The following EXD2 variants were observed in gnomAD, a reference collection of about 807,000 sequenced individuals.
The protein encoded by EXD2 is exonuclease 3'-5' domain containing 2.
EXD2 carries 40 observed loss-of-function variants against 62.5 expected under a neutral mutation model. The observed-to-expected ratio is 0.64, with a 90% CI of 0.50 to 0.83. The LOEUF (loss-of-function observed/expected upper bound fraction) is 0.83. Among genes scored for constraint, EXD2 ranks in the 40% least tolerant of loss-of-function variants. The pLI is 0.00. For missense variants in EXD2, 671 were observed against 761.8 expected (o/e 0.88, Z 1.40); for synonymous variants, 239 against 291.9 (o/e 0.82, Z 1.85).
intron 7 of EXD2, 90 bp downstream of exon 7, chr14:69,236,242 A>G: frequency 6.7e-7 from 1 of 1,494,376 alleles, no homozygotes; most frequent in Non-Finnish European, 9.3e-7. Context: ...AGGGAGGGAT[A>G]GAAGAAGGCA....
In EXD2 at chr14:69,228,879, T is replaced by C; in HGVS notation, c.397T>C (p.Cys133Arg). 3 of 1,614,232 alleles carry C rather than the reference T, an allele frequency of 1.9e-6. No homozygotes were observed. Among genetic ancestry groups the C allele is most frequent in the Non-Finnish European group, 2.5e-6 (3 of 1,180,042 alleles). ...LLQMASPSGL[C>R]VLVRLPKLIC... ...ACAAATGGCCTCCCCAAGTGGCCTGTGTGTCTTGGTTCGCCTGCCCAAGCT... is the reference window on the plus strand; with the variant it reads ...ACAAATGGCCTCCCCAAGTGGCCTGCGTGTCTTGGTTCGCCTGCCCAAGCT... The change falls in exon 4 of 10, where the codon TGT (cysteine) becomes CGT (arginine). Residue 133 changes from cysteine (C) to arginine (R), a missense_variant. Physicochemically the swap from Cys to Arg is radical, Grantham distance 180. Transcript: ENST00000685843.
chr14:69,232,015 G>C (rs2043602142), intron 5 of EXD2, among the ~76,000 whole-genome samples: 1 of 149,600 alleles, frequency 6.7e-6, no homozygotes, highest in African/African-American at 2.5e-5. Flanking sequence ...AGAAGTGTAA[G>C]TCCCACTGCC....
intron 3 of EXD2, among the ~76,000 whole-genome samples, chr14:69,216,683 G>A (rs575532204): frequency 9.9e-5 from 15 of 152,194 alleles, no homozygotes; most frequent in African/African-American, 3.4e-4. Context: ...AGATCAGTTT[G>A]TAGGGAACTG....
intron 4 of EXD2, among the ~76,000 whole-genome samples, chr14:69,229,320 C>T (rs2043485411): frequency 6.6e-6 from 1 of 152,150 alleles, no homozygotes; most frequent in Non-Finnish European, 1.5e-5. Flanking sequence ...AGCTGGTGGT[C>T]CCACTGGCTA....
At chr14:69,230,698 G>A in intron 5 of EXD2, 100 bp downstream of exon 5, 6 of 1,343,700 alleles carry the variant, frequency 4.5e-6, no homozygotes, top group Non-Finnish European at 5.0e-6. Context: ...AGTATTGGAT[G>A]GAGATGCCTT....
chr14:69,206,466 T>C (rs1348984942), intron 2 of EXD2, among the ~76,000 whole-genome samples: 33,043 of 104,646 alleles, frequency 0.32, 8,750 homozygotes, highest in East Asian at 0.92. Flanking sequence ...TTTTTTTTTT[T>C]TTTTTTTTTT....
At chr14:69,204,318 C>T (rs1041787617) in intron 2 of EXD2, among the ~76,000 whole-genome samples, 1 of 152,150 alleles carries the variant, frequency 6.6e-6, no homozygotes, top group African/African-American at 2.4e-5. Flanking sequence ...ACCTATAACC[C>T]GAGCACTTTG....
chr14:69,201,367 T>G (rs1466526961), intron 1 of EXD2, among the ~76,000 whole-genome samples: 1 of 151,932 alleles, frequency 6.6e-6, no homozygotes, highest in Non-Finnish European at 1.5e-5. Context: ...TTTTGAATTT[T>G]TATTAAAGAT....
intron 1 of EXD2, among the ~76,000 whole-genome samples, chr14:69,192,781 G>A (rs1010978923): frequency 1.3e-5 from 2 of 151,856 alleles, no homozygotes; most frequent in Non-Finnish European, 2.9e-5. Flanking sequence ...ACGGGTCTTG[G>A]AATTTTTTCT....
At chr14:69,235,935 C>T in intron 6 of EXD2, 111 bp from the exon 7 acceptor site, 2 of 813,852 alleles carry the variant, frequency 2.5e-6, no homozygotes, top group East Asian at 4.8e-5. Flanking sequence ...TGTGTTTGAC[C>T]TTAGTGTTGA....
At chr14:69,206,773 C>T (rs567276835) in intron 2 of EXD2, among the ~76,000 whole-genome samples, 28 of 152,306 alleles carry the variant, frequency 1.8e-4, no homozygotes, top group South Asian at 1.4e-3. Context: ...TGAGCCACTG[C>T]GCCCAGCCTT....
chr14:69,232,509 C>T (rs985791112), intron 5 of EXD2, among the ~76,000 whole-genome samples: 2 of 152,206 alleles, frequency 1.3e-5, no homozygotes, highest in African/African-American at 4.8e-5. Flanking sequence ...TGTATTCCCA[C>T]CAGCAGTGTA....
chr14:69,233,218 T>TA, intron 5 of EXD2, among the ~76,000 whole-genome samples: 1 of 152,302 alleles, frequency 6.6e-6, no homozygotes, highest in Non-Finnish European at 1.5e-5. Context: ...TGCTAATAGA[T>TA]ATGTAGATTG....
intron 1 of EXD2, among the ~76,000 whole-genome samples, chr14:69,193,166 C>T (rs1189349917): frequency 6.6e-6 from 1 of 151,350 alleles, no homozygotes; most frequent in Admixed American, 6.6e-5. Context: ...TCAAGCGATT[C>T]TCCTGCCTCA....
In EXD2 at chr14:69,241,632, G is replaced by T; in HGVS notation, c.*532G>T. The T allele has an allele frequency of 2.6e-6, 1 of 384,724 alleles. No individual in the cohort carries two copies. The highest frequency in any genetic ancestry group is 4.6e-6 in the Non-Finnish European group (1 of 217,650). The allele number at this position is 384,724 out of a possible 1,614,324, so 23.8% of individuals were successfully genotyped here. A position where few individuals can be genotyped will look rare whatever the true frequency, so the allele number is the denominator to read the frequency against. On this transcript the variant is annotated 3_prime_UTR_variant, in exon 10 of 10. Coordinates refer to ENST00000685843, the MANE Select transcript of EXD2 (RefSeq NM_001193360.2). ...GGCTTCATGCTCTCCCGTAACTCAT[G>T]TGGTTGGGATCCATCCCATCTGGGT...
intron 3 of EXD2, among the ~76,000 whole-genome samples, chr14:69,223,381 C>T (rs1180525291): frequency 1.3e-5 from 2 of 152,202 alleles, no homozygotes; most frequent in Middle Eastern, 3.2e-3. Flanking sequence ...GTCTTCCCCA[C>T]ATTTAAGATT....
intron 2 of EXD2, among the ~76,000 whole-genome samples, chr14:69,207,586 T>C (rs1355377420): frequency 6.6e-6 from 1 of 152,188 alleles, no homozygotes; most frequent in Admixed American, 6.5e-5. Context: ...TAGAGAAGTA[T>C]AGGCAGGGTG....
At chr14:69,230,447 G>T in intron 4 of EXD2, 25 bp from the exon 5 acceptor site, 1 of 1,548,896 alleles carries the variant, frequency 6.5e-7, no homozygotes, top group Non-Finnish European at 8.8e-7. Context: ...CGTTTTTGAT[G>T]CATGGTTTTC....
chr14:69,232,758 AT>A, intron 5 of EXD2, among the ~76,000 whole-genome samples: 2 of 152,086 alleles, frequency 1.3e-5, no homozygotes, highest in Middle Eastern at 6.8e-3. Flanking sequence ...TTGTTATTTT[AT>A]TTTTGAGTTT....
Sources: gnomAD v4.1 joint callset for allele counts (sites outside exome capture counted in the v4.1 genomes callset) on GRCh38, gnomAD v4.1.1 for gene constraint, MANE v1.5 for transcripts, NCBI Gene and HGNC (gene_info 2026-07-23, HGNC 2026-07-21) for gene names.